Variants in ALAS1 observed in about 807,000 individuals in gnomAD.
The protein encoded by ALAS1 is 5'-aminolevulinate synthase 1.
A neutral mutation model predicts 59.6 loss-of-function variants in ALAS1; 29 were observed. The observed-to-expected ratio is 0.49, with a 90% CI of 0.36 to 0.66. The LOEUF is 0.66. ALAS1 is among the 30% of genes least tolerant of loss of function. The pLI, the probability that ALAS1 is intolerant of heterozygous loss-of-function variation, is 0.00. For synonymous variants in ALAS1, 299 were observed against 296.6 expected (o/e 1.01, Z -0.08); for missense variants, 690 against 807.5 (o/e 0.85, Z 1.76).
At chr3:52,207,821 A>G (rs1459135761) in intron 8 of ALAS1, among the ~76,000 whole-genome samples, 24 of 151,964 alleles carry the variant, frequency 1.6e-4, no homozygotes, top group Admixed American at 1.6e-3. Flanking sequence ...TTCTTTTTTT[A>G]TTGCTGTGTA....
At chr3:52,208,954 T>C (rs1159529937) in intron 9 of ALAS1, among the ~76,000 whole-genome samples, 4 of 152,238 alleles carry the variant, frequency 2.6e-5, no homozygotes, top group Non-Finnish European at 5.9e-5. Context: ...AGAATTTTTG[T>C]AATTTTGAAG....
At position 52,208,441 on chromosome 3, in the gene ALAS1, C is replaced by T. The variant is rs369808123; in HGVS notation, c.1330+194C>T. ...GCTCTTAGAATCAAAGTAAATCCCA[C>T]AGCCTAACACACTGATAGACCATTT... is the stretch of plus-strand genomic sequence containing the variant. On this transcript the variant is annotated intron_variant, in intron 9 of 11. Coordinates refer to ENST00000484952, the MANE Select transcript of ALAS1 (RefSeq NM_000688.6). Among the ~76,000 whole-genome samples, 39 of 152,360 alleles carry T rather than the reference C, an allele frequency of 2.6e-4. 1 individual carries two copies. In the South Asian group the frequency reaches 7.5e-3, roughly 29 times the overall value.
intron 2 of ALAS1, 73 bp downstream of exon 2, chr3:52,198,921 C>T (rs1699127721): frequency 1.4e-6 from 2 of 1,480,598 alleles, no homozygotes; most frequent in South Asian, 1.2e-5. Context: ...TGTTCTTGAC[C>T]TTTCCCTCAT....
Position 52,203,909 on chromosome 3 carries a change from C to T in ALAS1, c.474C>T (p.Thr158=), listed in dbSNP as rs761131297. The change falls in exon 5 of 12, where the codon ACC becomes ACT. Residue 158 remains threonine, a synonymous_variant. Coordinates refer to ENST00000484952, the MANE Select transcript of ALAS1 (RefSeq NM_000688.6). ...GCCCCAGTGTGGTTAGTGTGAAAAC[C>T]GATGGAGGGGATCCCAGTGGACTGC... ...SAGPSVVSVK[T]DGGDPSGLLK... is the part of the protein sequence containing the mutation. 5 of 1,612,734 alleles carry T rather than the reference C, an allele frequency of 3.1e-6. No individual in the cohort carries two copies. Among genetic ancestry groups the T allele is most frequent in the Admixed American group, 1.7e-5 (1 of 59,870 alleles).
chr3:52,213,298 C>T (rs164640), intron 11 of ALAS1, among the ~76,000 whole-genome samples: 72,386 of 152,000 alleles, frequency 0.48, 17,808 homozygotes, highest in Non-Finnish European at 0.54. Context: ...GCCCGCCCAG[C>T]GTGGCTCAGC....
chr3:52,205,282 T>C (rs1699271226), intron 6 of ALAS1, among the ~76,000 whole-genome samples: 1 of 152,202 alleles, frequency 6.6e-6, no homozygotes, highest in Admixed American at 6.5e-5. Context: ...GAGAAAAAGC[T>C]ACTCCAAAAG....
At position 52,204,762 on chromosome 3, in the gene ALAS1, A is replaced by G; in HGVS notation, c.647A>G (p.Tyr216Cys). ...KIDEKKNDHT[Y>C]RVFKTVNRRA... ...GATGAGAAAAAGAATGACCACACCT[A>G]TCGAGTTTTTAAAACTGTGAACCGG... The change falls in exon 6 of 12, where the codon TAT becomes TGT. Residue 216 changes from tyrosine (Y) to cysteine (C), a missense_variant. Tyr to Cys is a radical substitution (Grantham distance 194). Coordinates refer to ENST00000484952, the MANE Select transcript of ALAS1 (RefSeq NM_000688.6). 7 of 1,614,190 alleles carry G rather than the reference A, an allele frequency of 4.3e-6. No individual in the cohort carries two copies. Among genetic ancestry groups the G allele is most frequent in the East Asian group, 2.2e-5 (1 of 44,890 alleles).
At position 52,211,545 on chromosome 3, in the gene ALAS1, T is replaced by C; in HGVS notation, c.1593T>C (p.Pro531=). 6.2e-7 allele frequency: 1 copy of C among 1,613,918 alleles called. No individual in the cohort carries two copies. The highest frequency in any genetic ancestry group is 8.5e-7 in the Non-Finnish European group (1 of 1,179,752). The part of the protein sequence containing the change: ...PVVHCPSHII[P]VRVADAAKNT... ...TCCACTGCCCCAGCCACATCATCCCTGTGCGGGTAATGGCCTGTCTCTGAT... is the reference window on the plus strand; with the variant it reads ...TCCACTGCCCCAGCCACATCATCCCCGTGCGGGTAATGGCCTGTCTCTGAT... The change falls in exon 10 of 12, where the codon CCT becomes CCC. Residue 531 remains proline, a synonymous_variant. Transcript: ENST00000484952.
intron 10 of ALAS1, 81 bp downstream of exon 10, chr3:52,211,632 T>G: frequency 6.4e-7 from 1 of 1,559,292 alleles, no homozygotes; most frequent in Non-Finnish European, 8.7e-7. Flanking sequence ...CATACCTTCC[T>G]GAAGTTGGGC....
intron 7 of ALAS1, 66 bp downstream of exon 7, chr3:52,206,089 C>A: frequency 7.1e-7 from 1 of 1,400,942 alleles, no homozygotes; most frequent in Non-Finnish European, 9.8e-7. Flanking sequence ...AGAATATTGG[C>A]AACAAAGAAG....
chr3:52,198,147 C>CG, upstream of ALAS1: 1 of 398,452 alleles, frequency 2.5e-6, no homozygotes, highest in Admixed American at 4.4e-5. Context: ...AAGGCGCCGG[C>CG]GATCGCGGCC....
At chr3:52,212,895 AT>A (rs1699441359) in intron 11 of ALAS1, among the ~76,000 whole-genome samples, 1 of 152,110 alleles carries the variant, frequency 6.6e-6, no homozygotes, top group Non-Finnish European at 1.5e-5. Flanking sequence ...AAAGGTATTT[AT>A]TGTCTGATTC....
chr3:52,203,568 T>G (rs946028667), intron 4 of ALAS1, among the ~76,000 whole-genome samples: 1 of 150,784 alleles, frequency 6.6e-6, no homozygotes, highest in African/African-American at 2.4e-5. Context: ...AAATTGAGAT[T>G]AGGATTGGGG....
rs564339135 is a variant in ALAS1 at position 52,204,767 on chromosome 3, G to A, written c.652G>A (p.Val218Ile). The A allele has an allele frequency of 1.9e-6, 3 of 1,614,206 alleles. No homozygotes were observed. The South Asian group carries it at 3.3e-5, about 18-fold the overall frequency. The change falls in exon 6 of 12, where the codon GTT (valine) becomes ATT (isoleucine). Residue 218 changes from valine to isoleucine, a missense_variant. Val to Ile is a conservative substitution (Grantham distance 29, BLOSUM62 3). Transcript: ENST00000484952. ...GAAAAAGAATGACCACACCTATCGA[G>A]TTTTTAAAACTGTGAACCGGCGAGC... The part of the protein sequence containing the change: ...DEKKNDHTYR[V>I]FKTVNRRAHI...
chr3:52,204,752 G>A lies in ALAS1; in HGVS notation c.637G>A (p.Asp213Asn), dbSNP rs1468341028. 3 of 1,613,976 alleles carry A rather than the reference G, an allele frequency of 1.9e-6. No individual in the cohort carries two copies. In the African/African-American group the frequency reaches 4.0e-5, roughly 22 times the overall value. The change falls in exon 6 of 12, where the codon GAC (aspartate) becomes AAC (asparagine). Residue 213 changes from aspartate (D) to asparagine (N), a missense_variant. By Grantham distance (23) the Asp-to-Asn change is conservative. Transcript: ENST00000484952. ...GAAAAAAATTGATGAGAAAAAGAAT[G>A]ACCACACCTATCGAGTTTTTAAAAC... ...FEKKIDEKKN[D>N]HTYRVFKTVN...
chr3:52,212,815 G>A (rs1393123036), intron 11 of ALAS1, among the ~76,000 whole-genome samples: 1 of 152,210 alleles, frequency 6.6e-6, no homozygotes, highest in Non-Finnish European at 1.5e-5. Flanking sequence ...ACAGGTGTGA[G>A]CCCTGGTGCC....
At position 52,211,509 on chromosome 3, in the gene ALAS1, C is replaced by G. The variant is rs1479302193; in HGVS notation, c.1557C>G (p.Gly519=). The change falls in exon 10 of 12, where the codon GGC becomes GGG. Residue 519 remains glycine (G), a synonymous_variant. Coordinates refer to ENST00000484952, the MANE Select transcript of ALAS1 (RefSeq NM_000688.6). ...KLMRQMLMDA[G]LPVVHCPSHI... The stretch of plus-strand genomic sequence containing the variant: ...TGAGACAGATGCTAATGGATGCCGG[C>G]CTCCCTGTTGTCCACTGCCCCAGCC... 4.3e-6 allele frequency: 7 copies of G among 1,614,120 alleles called. No individual in the cohort carries two copies. Among genetic ancestry groups the G allele is most frequent in the Non-Finnish European group, 5.9e-6 (7 of 1,180,050 alleles).
At chr3:52,200,292 CTG>C (rs1699161679) in intron 3 of ALAS1, among the ~76,000 whole-genome samples, 1 of 152,182 alleles carries the variant, frequency 6.6e-6, no homozygotes, top group African/African-American at 2.4e-5. Context: ...TCTTCCCAAA[CTG>C]AAATTCTATA....
rs1259586005 is a variant in ALAS1, at chr3:52,199,376, T to C, written c.135T>C (p.Pro45=). Reference sequence around the variant, plus strand: ...TGGAAGTTGGGGCCAAGCCAGCCCCTCGGGCATTGTCCACTGCAGCAGTAC... The same window carrying C: ...TGGAAGTTGGGGCCAAGCCAGCCCCCCGGGCATTGTCCACTGCAGCAGTAC... ...KMMEVGAKPA[P]RALSTAAVHY... The change falls in exon 3 of 12, where the codon CCT becomes CCC. Residue 45 remains proline (P), a synonymous_variant. Coordinates refer to ENST00000484952, the MANE Select transcript of ALAS1 (RefSeq NM_000688.6). The C allele has an allele frequency of 2.5e-6, 4 of 1,614,006 alleles. No individual in the cohort carries two copies. Among genetic ancestry groups the C allele is most frequent in the Non-Finnish European group, 3.4e-6 (4 of 1,180,022 alleles).
Sources: gnomAD v4.1 joint callset for allele counts (sites outside exome capture counted in the v4.1 genomes callset) on GRCh38, gnomAD v4.1.1 for gene constraint, MANE v1.5 for transcripts, NCBI Gene and HGNC (gene_info 2026-07-23, HGNC 2026-07-21) for gene names.